USP31: variants seen among roughly 807,000 people sequenced by gnomAD.
USP31 encodes ubiquitin specific peptidase 31.
A neutral mutation model predicts 119.4 loss-of-function variants in USP31; 44 were observed. The ratio of observed to expected loss-of-function variants is 0.37; its 90% CI spans 0.29 to 0.47. The LOEUF is 0.47. Ranked by LOEUF, USP31 falls within the 20% of genes least tolerant of loss-of-function variation. The pLI, the probability that USP31 is intolerant of heterozygous loss-of-function variation, is 0.99. For missense variants in USP31, 1,643 were observed against 1,730.2 expected, an observed-to-expected ratio of 0.95 and a Z score of 0.89; for synonymous variants, 749 against 705.6, an observed-to-expected ratio of 1.06 and a Z score of -0.97.
intron 6 of USP31, among the ~76,000 whole-genome samples, chr16:23,096,077 T>C (rs1329041009): frequency 1.3e-5 from 2 of 152,006 alleles, no homozygotes; most frequent in Non-Finnish European, 2.9e-5. Context: ...GACCCATCAG[T>C]GTGCTGTATT....
intron 6 of USP31, among the ~76,000 whole-genome samples, chr16:23,100,003 TA>T (rs1901779681): frequency 6.6e-6 from 1 of 152,022 alleles, no homozygotes; most frequent in South Asian, 2.1e-4. Flanking sequence ...CTACAATAGC[TA>T]AAATTAAAGA....
Position 23,069,177 on chromosome 16 carries a change from C to A in USP31, c.2928G>T (p.Leu976=), listed in dbSNP as rs768588050. ...QSKHSAQGDR[L]PPLSGPFDNN... The stretch of plus-strand genomic sequence containing the variant: ...TATCAAATGGACCAGAGAGCGGGGG[C>A]AGGCGGTCCCCTTGTGCTGAATGTT... Residue 976 remains leucine, a synonymous_variant, in exon 16 of 16, where the codon CTG becomes CTT. Transcript: ENST00000219689. The A allele has an allele frequency of 1.4e-5, 23 of 1,614,074 alleles. No homozygotes were observed. The South Asian group carries it at 2.5e-4, about 18-fold the overall frequency.
chr16:23,115,831 T>C, intron 1 of USP31: 1 of 928,620 alleles, frequency 1.1e-6, no homozygotes, highest in Non-Finnish European at 1.3e-6. Context: ...TTTTTTCCCT[T>C]AAAGAAAAAA....
rs917839868 is a variant in USP31, at chr16:23,063,414, T to C, written c.*4632A>G. On this transcript the variant is annotated 3_prime_UTR_variant, in exon 16 of 16. Transcript: ENST00000219689. ...ATTCTTAGCACTATTAGAAGCCACA[T>C]TCTTTCCTTGTGACCAAAATAGAAC... 6.6e-6 allele frequency: 1 copy of C among 152,654 alleles called. No homozygotes were observed. Among genetic ancestry groups the C allele is most frequent in the Non-Finnish European group, 1.5e-5 (1 of 68,044 alleles). 9.5% of individuals were successfully genotyped at this position (152,654 alleles called of 1,614,324 possible). A position where few individuals can be genotyped will look rare whatever the true frequency, so the allele number is the denominator to read the frequency against.
intron 1 of USP31, among the ~76,000 whole-genome samples, chr16:23,116,105 G>A (rs1470819088): frequency 1.3e-5 from 2 of 152,184 alleles, no homozygotes; most frequent in African/African-American, 4.8e-5. Flanking sequence ...CTTTTGGGAA[G>A]AAGGGTAGCT....
At chr16:23,105,195 C>T (rs914302760) in intron 5 of USP31, among the ~76,000 whole-genome samples, 1 of 152,130 alleles carries the variant, frequency 6.6e-6, no homozygotes, top group African/African-American at 2.4e-5. Context: ...ATGAACAAAG[C>T]TACAAGAAGG....
chr16:23,085,237 A>T (rs1901055283), intron 10 of USP31, among the ~76,000 whole-genome samples: 1 of 152,222 alleles, frequency 6.6e-6, no homozygotes, highest in Admixed American at 6.5e-5. Flanking sequence ...GTACTGGTTA[A>T]ACCACATATT....
intron 1 of USP31, among the ~76,000 whole-genome samples, chr16:23,119,711 T>C (rs1475324383): frequency 6.6e-6 from 1 of 152,236 alleles, no homozygotes; most frequent in Admixed American, 6.5e-5. Context: ...AAAATGCCGT[T>C]TATCTAATTG....
At chr16:23,103,200 T>C (rs1433211572) in intron 5 of USP31, among the ~76,000 whole-genome samples, 6 of 152,206 alleles carry the variant, frequency 3.9e-5, no homozygotes, top group Admixed American at 3.9e-4. Flanking sequence ...CTACAACGAT[T>C]CAGCCTCATG....
intron 1 of USP31, among the ~76,000 whole-genome samples, chr16:23,148,072 AT>A (rs1903578100): frequency 6.6e-6 from 1 of 152,232 alleles, no homozygotes; most frequent in East Asian, 1.9e-4. Context: ...GCAAATACAC[AT>A]GATATGGAAG....
chr16:23,130,883 T>C (rs1338069868), intron 1 of USP31, among the ~76,000 whole-genome samples: 1 of 152,200 alleles, frequency 6.6e-6, no homozygotes, highest in Non-Finnish European at 1.5e-5. Context: ...ATAGGTGCTA[T>C]GGGGTAGTTA....
At chr16:23,113,706 A>G (rs905750736) in intron 1 of USP31, among the ~76,000 whole-genome samples, 3 of 152,298 alleles carry the variant, frequency 2.0e-5, no homozygotes, top group Non-Finnish European at 4.4e-5. Flanking sequence ...GCTCAGTTAT[A>G]ACAGAATGGA....
At position 23,106,604 on chromosome 16, in the gene USP31, G is replaced by A. The variant is rs1902116938; in HGVS notation, c.772-117C>T. 6 of 1,054,914 alleles carry A rather than the reference G, an allele frequency of 5.7e-6. No individual in the cohort carries two copies. The South Asian group carries it at 9.9e-5, about 17-fold the overall frequency. 65.3% of individuals were successfully genotyped at this position (1,054,914 alleles called of 1,614,324 possible). A position where few individuals can be genotyped will look rare whatever the true frequency, so the allele number is the denominator to read the frequency against. On this transcript the variant is annotated intron_variant, in intron 2 of 15. Coordinates refer to ENST00000219689, the MANE Select transcript of USP31 (RefSeq NM_020718.4). The stretch of plus-strand genomic sequence containing the variant: ...CTTTACAAGCTATGCATCAAGTGCA[G>A]ATACTTCAGTGACGGGCACCTGCTA...
At chr16:23,105,397 T>C (rs1290306107) in intron 5 of USP31, 44 bp downstream of exon 5, 2 of 1,505,354 alleles carry the variant, frequency 1.3e-6, no homozygotes, top group Admixed American at 2.1e-5. Flanking sequence ...CAGAAAGCAA[T>C]ACTTTTGTGG....
chr16:23,070,344 G>C (rs1320029505), intron 15 of USP31, among the ~76,000 whole-genome samples: 1 of 152,106 alleles, frequency 6.6e-6, no homozygotes, highest in Non-Finnish European at 1.5e-5. Context: ...TACAGATGTG[G>C]ATCAACGCAA....
intron 1 of USP31, chr16:23,115,949 G>T (rs1338901840): frequency 4.7e-6 from 1 of 212,140 alleles, no homozygotes; most frequent in African/African-American, 2.4e-5. Context: ...AGGCTCCAGG[G>T]AAAAGATACT....
In USP31 at chr16:23,068,528, C is replaced by G; in HGVS notation, c.3577G>C (p.Gly1193Arg). Residue 1193 changes from glycine (G) to arginine (R), a missense_variant, in exon 16 of 16, where the codon GGG (glycine) becomes CGG (arginine). Gly to Arg is a moderately radical substitution (Grantham distance 125). This residue lies in a region of USP31 where 699 missense variants were observed against 650.9 expected (regional missense o/e 1.07). Coordinates refer to ENST00000219689, the MANE Select transcript of USP31 (RefSeq NM_020718.4). ...ATGGAGGAGCTCCGCACGTGCTTCC[C>G]GGCCCCCCTGCCCTCCCCTGCTCGG... ...QARAGEGRGA[G>R]KHVRSSSMAS... The G allele has an allele frequency of 6.2e-7, 1 of 1,613,788 alleles. No homozygotes were observed.
At position 23,105,433 on chromosome 16, in the gene USP31, C is replaced by A. The variant is rs762611526; in HGVS notation, c.1089+8G>T. ...CTCATGTGTAACTGGTCTTAGCAGA[C>A]TTATTACCTGATCAGTGGGGATCTT... On this transcript the variant is annotated splice_region_variant and intron_variant, in intron 5 of 15. Transcript: ENST00000219689. 6.2e-7 allele frequency: 1 copy of A among 1,610,878 alleles called. No homozygotes were observed. Among genetic ancestry groups the A allele is most frequent in the South Asian group, 1.1e-5 (1 of 90,348 alleles).
chr16:23,145,836 T>C (rs943182180), intron 1 of USP31, among the ~76,000 whole-genome samples: 3 of 152,230 alleles, frequency 2.0e-5, no homozygotes, highest in African/African-American at 7.2e-5. Flanking sequence ...GGGATTTTCC[T>C]TTCTTGGGCT....
Sources: gnomAD v4.1 joint callset for allele counts (sites outside exome capture counted in the v4.1 genomes callset) on GRCh38, gnomAD v4.1.1 for gene constraint, gnomAD v4.1.1 regional missense constraint, MANE v1.5 for transcripts, NCBI Gene and HGNC (gene_info 2026-07-23, HGNC 2026-07-21) for gene names.